The following GOLM2 variants were observed in gnomAD, a reference collection of about 807,000 sequenced individuals.
GOLM2 encodes golgi membrane protein 2.
GOLM2 carries 26 observed loss-of-function variants against 55.9 expected under a neutral mutation model. The ratio of observed to expected loss-of-function variants is 0.47; its 90% CI spans 0.34 to 0.65. GOLM2 has a LOEUF of 0.65. Among genes scored for constraint, GOLM2 ranks in the 30% least tolerant of loss-of-function variants. The probability of loss-of-function intolerance (pLI) is 0.01; values close to 1 mark genes in which losing one functional copy is unlikely to be tolerated. For missense variants in GOLM2, 486 were observed against 531.8 expected, an observed-to-expected ratio of 0.91 and a Z score of 0.85; for synonymous variants, 165 against 194.6, an observed-to-expected ratio of 0.85 and a Z score of 1.27.
At chr15:44,385,386 C>T (rs962808037) in intron 8 of GOLM2, among the ~76,000 whole-genome samples, 3 of 148,004 alleles carry the variant, frequency 2.0e-5, no homozygotes, top group African/African-American at 7.5e-5. Flanking sequence ...CTTCCCCCCG[C>T]CACTTTCATT....
intron 1 of GOLM2, among the ~76,000 whole-genome samples, chr15:44,313,421 T>G (rs962550233): frequency 1.3e-5 from 2 of 152,202 alleles, no homozygotes; most frequent in African/African-American, 4.8e-5. Flanking sequence ...CTCAGTTTAC[T>G]TCTTAGTCTC....
Position 44,297,562 on chromosome 15 carries a change from G to T in GOLM2, c.327+8206G>T, listed in dbSNP as rs1427259780. Reference sequence around the variant, plus strand: ...ATATTTATTATACCAATTTTTTTTTGTTTTTTTTTTTTTAATTGAGGCAGA... The same window carrying T: ...ATATTTATTATACCAATTTTTTTTTTTTTTTTTTTTTTTAATTGAGGCAGA... On this transcript the variant is annotated intron_variant, in intron 1 of 9. Transcript: ENST00000299957. Among the ~76,000 whole-genome samples, 158 of 137,296 alleles carry T rather than the reference G, an allele frequency of 1.2e-3. 1 individual carries two copies. The highest frequency in any genetic ancestry group is 2.1e-3 in the African/African-American group (78 of 36,724). The allele number at this position is 137,296 out of a possible 152,430, so 90.1% of individuals were successfully genotyped here.
At chr15:44,369,562 G>A (rs1485386858) in intron 6 of GOLM2, among the ~76,000 whole-genome samples, 7 of 151,884 alleles carry the variant, frequency 4.6e-5, no homozygotes, top group African/African-American at 9.7e-5. Flanking sequence ...AGTGGCTCAC[G>A]CCTGTAATCC....
chr15:44,318,810 A>G (rs1181218256), intron 1 of GOLM2, among the ~76,000 whole-genome samples: 2 of 152,072 alleles, frequency 1.3e-5, no homozygotes, highest in African/African-American at 4.8e-5. Flanking sequence ...TTCTTGGAAG[A>G]CCCTTCATAA....
At chr15:44,366,229 G>C (rs1223992454) in intron 6 of GOLM2, among the ~76,000 whole-genome samples, 1 of 150,388 alleles carries the variant, frequency 6.6e-6, no homozygotes, top group African/African-American at 2.4e-5. Context: ...CCCAGGAGGC[G>C]GAGCTTGCAG....
intron 8 of GOLM2, among the ~76,000 whole-genome samples, chr15:44,400,355 G>A (rs913668385): frequency 1.3e-5 from 2 of 149,922 alleles, no homozygotes; most frequent in Admixed American, 1.3e-4. Context: ...TTTGGCTTTT[G>A]TTGCCCAGGC....
chr15:44,413,513 T>C lies in GOLM2; in HGVS notation c.*107T>C. ...AGACGAATTGTATCAGTTGTAAAGA[T>C]ACATTGAGATAGAATTAAGGAAAAA... On this transcript the variant is annotated 3_prime_UTR_variant, in exon 10 of 10. Transcript: ENST00000299957. 2 of 773,850 alleles carry C rather than the reference T, an allele frequency of 2.6e-6. No homozygotes were observed. Among genetic ancestry groups the C allele is most frequent in the Non-Finnish European group, 2.1e-6 (1 of 467,330 alleles). The allele number at this position is 773,850 out of a possible 1,614,324, so 47.9% of individuals were successfully genotyped here.
intron 8 of GOLM2, among the ~76,000 whole-genome samples, chr15:44,392,139 C>T (rs566031118): frequency 1.7e-4 from 26 of 151,908 alleles, no homozygotes; most frequent in Admixed American, 6.6e-4. Flanking sequence ...TGTGAGCCAC[C>T]GCACCCAGCT....
chr15:44,344,310 T>C (rs1047932629), intron 6 of GOLM2, among the ~76,000 whole-genome samples: 8 of 148,764 alleles, frequency 5.4e-5, no homozygotes, highest in Non-Finnish European at 7.5e-5. Flanking sequence ...TATATATATA[T>C]ACCTCTGAAA....
At chr15:44,294,592 T>TA (rs1357983870) in intron 1 of GOLM2, among the ~76,000 whole-genome samples, 1 of 151,780 alleles carries the variant, frequency 6.6e-6, no homozygotes, top group Non-Finnish European at 1.5e-5. Context: ...TGCGCACCTG[T>TA]AGTCCCAGCT....
intron 4 of GOLM2, among the ~76,000 whole-genome samples, chr15:44,337,437 A>T (rs2079064623): frequency 6.6e-6 from 1 of 151,936 alleles, no homozygotes; most frequent in Non-Finnish European, 1.5e-5. Flanking sequence ...GAAGATGCCC[A>T]ATTTTAGGCC....
At chr15:44,397,918 T>G (rs972205693) in intron 8 of GOLM2, among the ~76,000 whole-genome samples, 1 of 152,250 alleles carries the variant, frequency 6.6e-6, no homozygotes, top group Admixed American at 6.5e-5. Context: ...TTTGACTCTT[T>G]CTGCTCCATT....
chr15:44,377,910 A>G (rs2079375041), intron 6 of GOLM2, among the ~76,000 whole-genome samples: 1 of 151,616 alleles, frequency 6.6e-6, no homozygotes, highest in Admixed American at 6.6e-5. Flanking sequence ...TCTTCAGATG[A>G]TAACAGTGGT....
chr15:44,411,475 A>G (rs2079638078), intron 9 of GOLM2, among the ~76,000 whole-genome samples: 1 of 152,164 alleles, frequency 6.6e-6, no homozygotes, highest in African/African-American at 2.4e-5. Context: ...CTATTGGGTA[A>G]TAGTATGTGA....
intron 8 of GOLM2, among the ~76,000 whole-genome samples, chr15:44,394,298 C>T (rs2079510373): frequency 6.6e-6 from 1 of 152,188 alleles, no homozygotes; most frequent in Admixed American, 6.5e-5. Context: ...GAATACATTG[C>T]ATCACAACAG....
At chr15:44,333,366 T>G (rs1463486261) in intron 4 of GOLM2, among the ~76,000 whole-genome samples, 3 of 151,962 alleles carry the variant, frequency 2.0e-5, no homozygotes, top group Non-Finnish European at 4.4e-5. Flanking sequence ...ACTAAAGGAC[T>G]AGAAGTTAAG....
chr15:44,321,637 A>T (rs1315171363), intron 1 of GOLM2, among the ~76,000 whole-genome samples: 2 of 152,138 alleles, frequency 1.3e-5, no homozygotes, highest in African/African-American at 2.4e-5. Context: ...CCTGGTTTTG[A>T]TGTTGTACTG....
intron 9 of GOLM2, chr15:44,406,634 A>G (rs947790768): frequency 6.6e-6 from 1 of 152,220 alleles, no homozygotes; most frequent in Non-Finnish European, 1.5e-5. Flanking sequence ...AAACAGATCT[A>G]TTCCCAAATC....
At position 44,376,482 on chromosome 15, in the gene GOLM2, AAATGATCTTCC is replaced by A. The variant is rs1260482237; in HGVS notation, c.803-3207_803-3197del. ...AGTCTTGCTAGGTACCCCTGGGCTC[AAATGATCTTCC>A]TGCCTTGGCCTCCTAAAATATTGGG... On this transcript the variant is annotated intron_variant, in intron 6 of 9. Coordinates refer to ENST00000299957, the MANE Select transcript of GOLM2 (RefSeq NM_138423.4). 1.3e-3 allele frequency among the ~76,000 whole-genome samples: 199 copies of A among 152,266 alleles called. 1 individual carries two copies. Among genetic ancestry groups the A allele is most frequent in the African/African-American group, 4.6e-3 (190 of 41,570 alleles).
Sources: gnomAD v4.1 joint callset for allele counts (sites outside exome capture counted in the v4.1 genomes callset) on GRCh38, gnomAD v4.1.1 for gene constraint, MANE v1.5 for transcripts, NCBI Gene and HGNC (gene_info 2026-07-23, HGNC 2026-07-21) for gene names.